OR9Q1: variants seen among roughly 807,000 people sequenced by gnomAD.
The protein encoded by OR9Q1 is olfactory receptor family 9 subfamily Q member 1, also known as olfactory receptor 9Q1.
For synonymous variants in OR9Q1, 153 were observed against 148.6 expected, an observed-to-expected ratio of 1.03 and a Z score of -0.22; for missense variants, 374 against 378.8, an observed-to-expected ratio of 0.99 and a Z score of 0.11.
chr11:58,102,448 G>A (rs1853793585), intron 2 of OR9Q1, among the ~76,000 whole-genome samples: 1 of 152,048 alleles, frequency 6.6e-6, no homozygotes, highest in Non-Finnish European at 1.5e-5. Context: ...CTCTTGTAAG[G>A]CCAGCCTGGT....
intron 2 of OR9Q1, among the ~76,000 whole-genome samples, chr11:58,094,819 C>A (rs772739309): frequency 1.3e-5 from 2 of 152,092 alleles, no homozygotes; most frequent in African/African-American, 2.4e-5. Context: ...GTAAACACAC[C>A]TGCTATAGTT....
intron 2 of OR9Q1, among the ~76,000 whole-genome samples, chr11:58,131,982 A>C (rs1854145703): frequency 6.6e-6 from 1 of 152,174 alleles, no homozygotes; most frequent in Non-Finnish European, 1.5e-5. Context: ...ATAGTGGCAA[A>C]ACTGCAATTA....
At chr11:58,088,286 G>T (rs1241634550) in intron 2 of OR9Q1, among the ~76,000 whole-genome samples, 1 of 151,920 alleles carries the variant, frequency 6.6e-6, no homozygotes, top group Admixed American at 6.6e-5. Context: ...AAACATATGT[G>T]TGCATGTGTC....
intron 2 of OR9Q1, among the ~76,000 whole-genome samples, chr11:58,129,523 C>CATATAGA (rs1854120722): frequency 1.3e-5 from 2 of 148,488 alleles, no homozygotes; most frequent in Admixed American, 6.9e-5. Context: ...TATCTGTGAT[C>CATATAGA]TACCCCCAAC....
intron 2 of OR9Q1, among the ~76,000 whole-genome samples, chr11:58,155,679 C>T (rs1203006714): frequency 6.6e-6 from 1 of 152,130 alleles, no homozygotes; most frequent in Non-Finnish European, 1.5e-5. Flanking sequence ...AGATATTGAA[C>T]AAGTGGCACA....
At chr11:58,034,617 T>G (rs1158720941) in intron 1 of OR9Q1, among the ~76,000 whole-genome samples, 1 of 152,166 alleles carries the variant, frequency 6.6e-6, no homozygotes. Flanking sequence ...AGAAACCATT[T>G]GCCAACCCTT....
intron 2 of OR9Q1, among the ~76,000 whole-genome samples, chr11:58,098,052 C>A (rs1208513302): frequency 6.6e-6 from 1 of 152,098 alleles, no homozygotes; most frequent in East Asian, 1.9e-4. Flanking sequence ...TGTGGCAAAA[C>A]TCTTTATATC....
intron 1 of OR9Q1, among the ~76,000 whole-genome samples, chr11:58,033,111 G>A (rs1490301083): frequency 6.6e-6 from 1 of 152,178 alleles, no homozygotes; most frequent in Non-Finnish European, 1.5e-5. Flanking sequence ...AATAACAGAT[G>A]TTGGAGAGGT....
chr11:58,133,591 C>A (rs2119848524), intron 2 of OR9Q1, among the ~76,000 whole-genome samples: 1 of 152,314 alleles, frequency 6.6e-6, no homozygotes, highest in South Asian at 2.1e-4. Flanking sequence ...ACTGATAATG[C>A]CTTGCATACC....
At chr11:58,053,669 T>A (rs1400363599) in intron 1 of OR9Q1, among the ~76,000 whole-genome samples, 3 of 146,416 alleles carry the variant, frequency 2.0e-5, no homozygotes, top group Admixed American at 6.9e-5. Context: ...AAAATATATA[T>A]ATAAAATAAA....
chr11:58,155,593 A>G (rs938531962), intron 2 of OR9Q1, among the ~76,000 whole-genome samples: 2 of 152,150 alleles, frequency 1.3e-5, no homozygotes, highest in African/African-American at 2.4e-5. Flanking sequence ...AGTGTCTTTA[A>G]CTTGGGTCTT....
At chr11:58,034,735 TTTCCTTCC>T (rs71454309) in intron 1 of OR9Q1, among the ~76,000 whole-genome samples, 168 of 111,462 alleles carry the variant, frequency 1.5e-3, no homozygotes, top group African/African-American at 5.1e-3. Flanking sequence ...GGTTTCTTTC[TTTCCTTCC>T]TTCCTTCCTT....
intron 2 of OR9Q1, among the ~76,000 whole-genome samples, chr11:58,138,613 T>C (rs1459364983): frequency 6.6e-6 from 1 of 152,224 alleles, no homozygotes; most frequent in African/African-American, 2.4e-5. Flanking sequence ...AGCTGTGCTG[T>C]TATTATTCCT....
At chr11:58,067,299 G>A (rs139654722) in intron 2 of OR9Q1, among the ~76,000 whole-genome samples, 1,536 of 152,146 alleles carry the variant, frequency 0.01, 24 homozygotes, top group African/African-American at 0.035. Context: ...GCCTCCCAAA[G>A]TGTTGGGATT....
At chr11:58,163,241 G>A (rs1854472509) in intron 2 of OR9Q1, among the ~76,000 whole-genome samples, 1 of 152,122 alleles carries the variant, frequency 6.6e-6, no homozygotes. Flanking sequence ...TACATATATG[G>A]CTTACCTCTA....
At chr11:58,077,401 G>A (rs572386134) in intron 2 of OR9Q1, 3 of 152,304 alleles carry the variant, frequency 2.0e-5, no homozygotes, top group African/African-American at 4.8e-5. Flanking sequence ...AAGGCAACTT[G>A]TATATCCTTC....
At chr11:58,125,758 T>A (rs770088148) in intron 2 of OR9Q1, among the ~76,000 whole-genome samples, 3 of 152,172 alleles carry the variant, frequency 2.0e-5, no homozygotes, top group Non-Finnish European at 4.4e-5. Context: ...TGCACACTTC[T>A]GAGAGAATAA....
chr11:58,116,081 C>T (rs569130288), intron 2 of OR9Q1, among the ~76,000 whole-genome samples: 22 of 152,152 alleles, frequency 1.4e-4, no homozygotes, highest in Admixed American at 4.6e-4. Flanking sequence ...AAAAGAAGCC[C>T]GAGGATAGGC....
At chr11:58,132,463 G>T (rs1270145240) in intron 2 of OR9Q1, among the ~76,000 whole-genome samples, 2 of 152,110 alleles carry the variant, frequency 1.3e-5, no homozygotes, top group Admixed American at 6.5e-5. Flanking sequence ...CTACCCTATA[G>T]GATTGTTGTA....
Sources: gnomAD v4.1 joint callset for allele counts (sites outside exome capture counted in the v4.1 genomes callset) on GRCh38, gnomAD v4.1.1 for gene constraint, MANE v1.5 for transcripts, NCBI Gene and HGNC (gene_info 2026-07-23, HGNC 2026-07-21) for gene names.